TJP2: variants seen among roughly 807,000 people sequenced by gnomAD.
TJP2 encodes Friedreich ataxia region gene X104 (tight junction protein ZO-2).
A neutral mutation model predicts 133.1 loss-of-function variants in TJP2; 91 were observed. That is an observed-to-expected ratio of 0.68 (90% confidence interval 0.58 to 0.81). The LOEUF is 0.81. Ranked by LOEUF, TJP2 falls within the 40% of genes least tolerant of loss-of-function variation. The pLI, the probability that TJP2 is intolerant of heterozygous loss-of-function variation, is 0.00. For missense variants in TJP2, 1,541 were observed against 1,565.6 expected, an observed-to-expected ratio of 0.98 and a Z score of 0.26; for synonymous variants, 592 against 583.4, an observed-to-expected ratio of 1.01 and a Z score of -0.21.
intron 1 of TJP2, among the ~76,000 whole-genome samples, chr9:69,187,793 G>T (rs1270770676): frequency 6.6e-6 from 1 of 152,210 alleles, no homozygotes; most frequent in Non-Finnish European, 1.5e-5. Flanking sequence ...TAGGCATGAT[G>T]TAGAGTAGTT....
At chr9:69,246,834 C>G in intron 18 of TJP2, 44 bp downstream of exon 18, 1 of 1,553,884 alleles carries the variant, frequency 6.4e-7, no homozygotes, top group South Asian at 1.1e-5. Context: ...AGTCCCTGTT[C>G]TGAAACTTTT....
intron 21 of TJP2, among the ~76,000 whole-genome samples, chr9:69,251,738 G>C (rs561957992): frequency 6.6e-6 from 1 of 152,142 alleles, no homozygotes. Flanking sequence ...AGCAAACTGG[G>C]TGCTAAAACA....
chr9:69,173,174 C>G (rs1417746636), upstream of TJP2, among the ~76,000 whole-genome samples: 1 of 152,132 alleles, frequency 6.6e-6, no homozygotes, highest in Non-Finnish European at 1.5e-5. Context: ...CTGGGACAGA[C>G]CACACCTTTT....
intron 1 of TJP2, among the ~76,000 whole-genome samples, chr9:69,191,471 C>T (rs796586103): frequency 5.9e-5 from 9 of 152,262 alleles, no homozygotes; most frequent in African/African-American, 2.2e-4. Flanking sequence ...GCTGGTGTGG[C>T]TTCAAAGGCT....
intron 1 of TJP2, among the ~76,000 whole-genome samples, chr9:69,179,973 GAATT>G (rs753465002): frequency 3.4e-4 from 52 of 152,254 alleles, no homozygotes; most frequent in African/African-American, 4.3e-4. Context: ...ATGGACTTCA[GAATT>G]AATTAGTGTG....
rs375881766 is a variant in TJP2 at position 69,132,576 on chromosome 9, GAA to G, written c.-131+10854_-131+10855del. On this transcript the variant is annotated intron_variant, in intron 1 of 5. Transcript: ENST00000423935. ...TGCACTACACGGATAGAGAAGGGTG[GAA>G]AAGAGTTCAAAGTCCTGTGCATTCA... is the stretch of plus-strand genomic sequence containing the variant. Among the ~76,000 whole-genome samples, 50 of 152,288 alleles carry G rather than the reference GAA, an allele frequency of 3.3e-4. No homozygotes were observed. In the East Asian group the frequency reaches 8.5e-3, roughly 26 times the overall value.
intron 1 of TJP2, 141 bp downstream of exon 1, chr9:69,174,573 G>A: frequency 9.5e-7 from 1 of 1,055,228 alleles, no homozygotes; most frequent in East Asian, 2.6e-5. Context: ...TCCGGACGTG[G>A]GACGCAGGGG....
Position 69,221,416 on chromosome 9 carries a change from A to T in TJP2, c.872A>T (p.His291Leu). The T allele has an allele frequency of 6.3e-7, 1 of 1,585,242 alleles. No homozygotes were observed. The highest frequency in any genetic ancestry group is 8.6e-7 in the Non-Finnish European group (1 of 1,165,916). The change falls in exon 5 of 23, where the codon CAC becomes CTC. Residue 291 changes from histidine (H) to leucine (L), a missense_variant. By Grantham distance (99) the His-to-Leu change is moderately conservative (BLOSUM62 -3). Transcript: ENST00000377245. The part of the protein sequence containing the change: ...GPRSRSREHP[H>L]SRSPSPEPRG... ...CGAAGCCGCAGCCGCGAGCACCCGC[A>T]CTCACGGAGCCCCAGCCCCGAGCCT...
chr9:69,172,040 C>A (rs1312690839), upstream of TJP2, among the ~76,000 whole-genome samples: 2 of 152,086 alleles, frequency 1.3e-5, no homozygotes, highest in East Asian at 3.9e-4. Flanking sequence ...CGCGATCTGT[C>A]CGCCTCGACC....
intron 1 of TJP2, among the ~76,000 whole-genome samples, chr9:69,138,555 T>C (rs1053055184): frequency 6.6e-6 from 1 of 150,784 alleles, no homozygotes; most frequent in Non-Finnish European, 1.5e-5. Context: ...TCACTTGAGG[T>C]CAGGAGTTCG....
chr9:69,222,716 C>T (rs1828981613), intron 5 of TJP2, among the ~76,000 whole-genome samples: 1 of 152,122 alleles, frequency 6.6e-6, no homozygotes, highest in African/African-American at 2.4e-5. Context: ...CAGTGCATCA[C>T]CTGGGCACCC....
At chr9:69,237,177 C>T in intron 14 of TJP2, 41 bp downstream of exon 14, 1 of 1,609,292 alleles carries the variant, frequency 6.2e-7, no homozygotes. Flanking sequence ...ACTGACTGGG[C>T]TCTGAGCCTG....
At chr9:69,151,606 C>T (rs1243619894) in intron 1 of TJP2, 2 of 1,231,412 alleles carry the variant, frequency 1.6e-6, no homozygotes, top group East Asian at 6.3e-5. Flanking sequence ...CTTACCATTG[C>T]AGGGAATGAG....
Position 69,221,115 on chromosome 9 carries a change from C to T in TJP2, c.571C>T (p.Leu191Phe). The change falls in exon 5 of 23, where the codon CTC becomes TTC. Residue 191 changes from leucine (L) to phenylalanine (F), a missense_variant. Physicochemically the swap from Leu to Phe is conservative, Grantham distance 22 (BLOSUM62 0). Coordinates refer to ENST00000377245, the MANE Select transcript of TJP2 (RefSeq NM_004817.4). ...GCGGGCCCGGAGCCGGGAGCGGGACCTCAGCCGGGACCGGAGCCGTGGCCG... is the reference window on the plus strand; with the variant it reads ...GCGGGCCCGGAGCCGGGAGCGGGACTTCAGCCGGGACCGGAGCCGTGGCCG... ...HERARSRERD[L>F]SRDRSRGRSL... is the part of the protein sequence containing the mutation. 1 of 1,586,184 alleles carries T rather than the reference C, an allele frequency of 6.3e-7. No individual in the cohort carries two copies. The highest frequency in any genetic ancestry group is 8.6e-7 in the Non-Finnish European group (1 of 1,166,862).
chr9:69,187,891 CT>C (rs1273604176), intron 1 of TJP2, among the ~76,000 whole-genome samples: 1 of 152,192 alleles, frequency 6.6e-6, no homozygotes, highest in Non-Finnish European at 1.5e-5. Flanking sequence ...GTTTATCACA[CT>C]GGGGGTGTAT....
chr9:69,178,623 A>C (rs1486898589), intron 1 of TJP2, among the ~76,000 whole-genome samples: 1 of 152,218 alleles, frequency 6.6e-6, no homozygotes, highest in Non-Finnish European at 1.5e-5. Flanking sequence ...TTTCTGTCTT[A>C]AGCGTGTGCA....
chr9:69,159,263 A>G (rs535733159), intron 2 of TJP2, among the ~76,000 whole-genome samples: 135 of 152,216 alleles, frequency 8.9e-4, no homozygotes, highest in African/African-American at 3.1e-3. Context: ...CCAGACTGCA[A>G]TGAGCCAAGA....
At chr9:69,246,666 AC>A (rs1830949892) in intron 17 of TJP2, 23 bp from the exon 18 acceptor site, 2 of 1,595,170 alleles carry the variant, frequency 1.3e-6, no homozygotes, top group African/African-American at 2.7e-5. Context: ...ATTAATGCAG[AC>A]CTTTTTGTTT....
At chr9:69,189,350 C>A (rs1392552540) in intron 1 of TJP2, among the ~76,000 whole-genome samples, 1 of 152,156 alleles carries the variant, frequency 6.6e-6, no homozygotes, top group African/African-American at 2.4e-5. Context: ...GTGCTTATTT[C>A]TCTCCTCACT....
Sources: gnomAD v4.1 joint callset for allele counts (sites outside exome capture counted in the v4.1 genomes callset) on GRCh38, gnomAD v4.1.1 for gene constraint, MANE v1.5 for transcripts, NCBI Gene and HGNC (gene_info 2026-07-23, HGNC 2026-07-21) for gene names.